The following ZC3H12B variants were observed in gnomAD, a reference collection of about 807,000 sequenced individuals.
ZC3H12B encodes probable ribonuclease ZC3H12B.
In ZC3H12B, 7 loss-of-function variants were observed where a neutral mutation model predicts 43.9. The ratio of observed to expected loss-of-function variants is 0.16; its 90% CI spans 0.09 to 0.30. The LOEUF is 0.30. Among genes scored for constraint, ZC3H12B ranks in the 10% least tolerant of loss-of-function variants. ZC3H12B has a pLI of 1.00. For missense variants in ZC3H12B, 475 were observed against 670.2 expected, an observed-to-expected ratio of 0.71 and a Z score of 3.22; for synonymous variants, 222 against 241.7, an observed-to-expected ratio of 0.92 and a Z score of 0.76.
chrX:65,400,034 T>C (rs2066745294), intron 3 of ZC3H12B, among the ~76,000 whole-genome samples: 2 of 110,883 alleles, frequency 1.8e-5, no homozygotes, highest in Admixed American at 9.7e-5. Flanking sequence ...AGGCTGGGAA[T>C]GGTAGTCGGG....
the ZC3H12B span, among the ~76,000 whole-genome samples, chrX:65,310,417 T>C: frequency 9.0e-6 from 1 of 111,087 alleles, no homozygotes; most frequent in Admixed American, 9.6e-5. Context: ...ATAAAGAGAA[T>C]AAAATACCTA....
chrX:65,408,667 G>T (rs996981866), intron 3 of ZC3H12B: 8 of 988,893 alleles, frequency 8.1e-6, no homozygotes, highest in Non-Finnish European at 1.1e-5. Flanking sequence ...GAGATGAGAG[G>T]CCCGGCAAGC....
the ZC3H12B span, among the ~76,000 whole-genome samples, chrX:65,120,481 T>G: frequency 1.8e-5 from 2 of 111,648 alleles, no homozygotes; most frequent in African/African-American, 6.5e-5. Flanking sequence ...TGCTTCTGAT[T>G]TTTTGCATGT....
chrX:65,156,514 G>C, the ZC3H12B span, among the ~76,000 whole-genome samples: 2 of 111,258 alleles, frequency 1.8e-5, no homozygotes, highest in African/African-American at 6.5e-5. Context: ...CAGAGTACCT[G>C]GGATTACAGG....
chrX:65,279,416 A>T, the ZC3H12B span, among the ~76,000 whole-genome samples: 1 of 107,355 alleles, frequency 9.3e-6, no homozygotes, highest in Admixed American at 1.0e-4. Flanking sequence ...TTTTCATATG[A>T]TTGTTGGCCA....
chrX:65,394,982 G>T (rs2066677176), intron 2 of ZC3H12B, among the ~76,000 whole-genome samples: 1 of 111,358 alleles, frequency 9.0e-6, no homozygotes, highest in South Asian at 3.8e-4. Context: ...AATTGTGAAT[G>T]GGAGTTCAAT....
chrX:65,251,548 A>G, the ZC3H12B span, among the ~76,000 whole-genome samples: 1 of 111,209 alleles, frequency 9.0e-6, no homozygotes, highest in South Asian at 3.8e-4. Flanking sequence ...CATTTTCACG[A>G]TATTGATTCT....
the ZC3H12B span, among the ~76,000 whole-genome samples, chrX:65,219,799 T>TACAC: frequency 5.0e-5 from 3 of 60,506 alleles, no homozygotes; most frequent in African/African-American, 7.3e-5. Flanking sequence ...GAAGCATACA[T>TACAC]ACACACACAT....
chrX:65,246,768 A>G, the ZC3H12B span, among the ~76,000 whole-genome samples: 1 of 112,552 alleles, frequency 8.9e-6, no homozygotes, highest in African/African-American at 3.2e-5. Context: ...AGATGGATTG[A>G]AGACATAAAT....
intron 3 of ZC3H12B, among the ~76,000 whole-genome samples, chrX:65,459,166 T>G (rs898512090): frequency 4.5e-5 from 5 of 111,462 alleles, no homozygotes; most frequent in African/African-American, 1.6e-4. Context: ...CAGGAAGAAG[T>G]TGAATCTGAA....
intron 1 of ZC3H12B, among the ~76,000 whole-genome samples, chrX:65,367,655 A>G (rs2066190936): frequency 9.0e-6 from 1 of 111,274 alleles, no homozygotes; most frequent in Admixed American, 9.6e-5. Context: ...GGCATTCTTA[A>G]TTTCAAATAT....
At chrX:65,053,306 G>C in the ZC3H12B span, among the ~76,000 whole-genome samples, 6 of 110,243 alleles carry the variant, frequency 5.4e-5, no homozygotes, top group African/African-American at 2.0e-4. Context: ...CCCTTCCCAT[G>C]TCCATGTGTT....
the ZC3H12B span, among the ~76,000 whole-genome samples, chrX:65,226,321 T>G: frequency 4.5e-5 from 5 of 111,084 alleles, no homozygotes; most frequent in Non-Finnish European, 9.4e-5. Context: ...AAGCAAATGC[T>G]GAGAGATTTT....
intron 1 of ZC3H12B, 48 bp downstream of exon 6, chrX:65,489,457 C>G: frequency 8.8e-7 from 1 of 1,136,723 alleles, no homozygotes; most frequent in East Asian, 3.0e-5. Context: ...CTGCCCTGAG[C>G]TCATAGAAAT....
the ZC3H12B span, among the ~76,000 whole-genome samples, chrX:65,303,351 C>T: frequency 1.8e-5 from 2 of 110,187 alleles, no homozygotes; most frequent in East Asian, 2.8e-4. Flanking sequence ...TGTGTACCGC[C>T]GAACCTAAAA....
the ZC3H12B span, among the ~76,000 whole-genome samples, chrX:65,231,836 G>A: frequency 6.3e-5 from 7 of 111,339 alleles, no homozygotes; most frequent in East Asian, 5.6e-4. Context: ...CATATTGTTC[G>A]AACACACATG....
chrX:65,250,208 T>A, the ZC3H12B span, among the ~76,000 whole-genome samples: 1 of 111,150 alleles, frequency 9.0e-6, no homozygotes, highest in African/African-American at 3.3e-5. Context: ...GTCCTTGCGA[T>A]AGTTTGCTGA....
intron 3 of ZC3H12B, among the ~76,000 whole-genome samples, chrX:65,429,008 G>A (rs944436466): frequency 8.9e-6 from 1 of 112,130 alleles, no homozygotes; most frequent in Admixed American, 9.4e-5. Context: ...CTCTTCCGTA[G>A]TGCTGCTGCA....
intron 3 of ZC3H12B, among the ~76,000 whole-genome samples, chrX:65,456,044 C>T (rs1020294905): frequency 3.6e-5 from 4 of 111,586 alleles, no homozygotes; most frequent in Non-Finnish European, 5.6e-5. Flanking sequence ...TAAAGACCAT[C>T]GAGGCTAGGA....
Sources: allele counts gnomAD v4.1 joint callset (sites outside exome capture counted in the v4.1 genomes callset), GRCh38; gene constraint gnomAD v4.1.1; transcripts MANE v1.5; gene names NCBI Gene and HGNC (gene_info 2026-07-23, HGNC 2026-07-21).